MGAT5: variants seen among roughly 807,000 people sequenced by gnomAD.
MGAT5 encodes the protein alpha-1,6-mannosylglycoprotein 6-beta-N-acetylglucosaminyltransferase, also known as alpha-1,6-mannosylglycoprotein 6-beta-N-acetylglucosaminyltransferase A.
In MGAT5, 30 loss-of-function variants were observed where a neutral mutation model predicts 94.3. The ratio of observed to expected loss-of-function variants is 0.32; its 90% CI spans 0.24 to 0.43. The LOEUF (loss-of-function observed/expected upper bound fraction) is 0.43. MGAT5 is among the 20% of genes least tolerant of loss of function. MGAT5 has a pLI of 1.00. For synonymous variants in MGAT5, 310 were observed against 322.9 expected, an observed-to-expected ratio of 0.96 and a Z score of 0.43; for missense variants, 691 against 905.5, an observed-to-expected ratio of 0.76 and a Z score of 3.04.
intron 1 of MGAT5, among the ~76,000 whole-genome samples, chr2:134,159,706 G>A (rs1051040698): frequency 6.6e-6 from 1 of 152,108 alleles, no homozygotes; most frequent in African/African-American, 2.4e-5. Context: ...GTTGAGCATG[G>A]TGGCACAGCC....
At chr2:134,189,609 T>TTTTTTTTTTTTTTTTTTTG (rs1558978202) in intron 1 of MGAT5, among the ~76,000 whole-genome samples, 2 of 134,128 alleles carry the variant, frequency 1.5e-5, no homozygotes, top group Admixed American at 7.3e-5. Context: ...TTTGTTTTTT[T>TTTTTTTTTTTTTTTTTTTG]TTTTTTTTTT....
At chr2:134,176,584 A>G (rs1688477132) in intron 1 of MGAT5, among the ~76,000 whole-genome samples, 1 of 151,450 alleles carries the variant, frequency 6.6e-6, no homozygotes, top group Admixed American at 6.6e-5. Context: ...AAAAAAAAAA[A>G]AAAAAAAAAA....
intron 14 of MGAT5, among the ~76,000 whole-genome samples, chr2:134,439,652 G>A (rs770653158): frequency 2.6e-5 from 4 of 152,032 alleles, no homozygotes; most frequent in African/African-American, 7.2e-5. Flanking sequence ...AACCGAGATC[G>A]CACCACTGTA....
chr2:134,262,154 G>T (rs1683378635), intron 1 of MGAT5, among the ~76,000 whole-genome samples: 2 of 152,174 alleles, frequency 1.3e-5, no homozygotes, highest in South Asian at 4.1e-4. Flanking sequence ...TTGTTGTAAG[G>T]ATTACAAATG....
In MGAT5 at chr2:134,338,852, G is replaced by A. The variant is rs114100652; in HGVS notation, c.807+432G>A. Among the ~76,000 whole-genome samples the A allele has an allele frequency of 7.6e-3, 1,145 of 151,422 alleles. 7 individuals carry two copies. The highest frequency in any genetic ancestry group is 0.012 in the Non-Finnish European group (839 of 67,976). ...CTGGTTGGTGCTTCTGCTTATGCCC[G>A]TAGGGGAGAGAGAGAGAGAAATTTG... On this transcript the variant is annotated intron_variant, in intron 6 of 15. Transcript: ENST00000281923.
intron 1 of MGAT5, among the ~76,000 whole-genome samples, chr2:134,224,255 A>G (rs1315910612): frequency 6.6e-6 from 1 of 152,192 alleles, no homozygotes; most frequent in African/African-American, 2.4e-5. Flanking sequence ...ATCTGTGGGA[A>G]GTTTCCAGAG....
At chr2:134,250,744 A>G (rs914491888), upstream of MGAT5, among the ~76,000 whole-genome samples, 3 of 152,110 alleles carry the variant, frequency 2.0e-5, no homozygotes, top group Non-Finnish European at 4.4e-5. Context: ...GGCCCTCACT[A>G]ATCAGAACTG....
intron 1 of MGAT5, among the ~76,000 whole-genome samples, chr2:134,225,155 T>A (rs1243682697): frequency 6.6e-6 from 1 of 151,678 alleles, no homozygotes; most frequent in Non-Finnish European, 1.5e-5. Flanking sequence ...CATCAGGCTC[T>A]GTCCTCTGTG....
chr2:134,448,339 A>T (rs1034914125), intron 15 of MGAT5, among the ~76,000 whole-genome samples: 1 of 152,050 alleles, frequency 6.6e-6, no homozygotes, highest in Non-Finnish European at 1.5e-5. Flanking sequence ...GCCATGATTT[A>T]TTTGGCCATT....
intron 10 of MGAT5, among the ~76,000 whole-genome samples, chr2:134,401,913 GA>G (rs1558859912): frequency 6.6e-6 from 1 of 152,174 alleles, no homozygotes; most frequent in African/African-American, 2.4e-5. Context: ...GTGAATGGCA[GA>G]GACCAGATCA....
chr2:134,143,325 T>C (rs13405971), intron 1 of MGAT5, among the ~76,000 whole-genome samples: 8,685 of 152,258 alleles, frequency 0.057, 830 homozygotes, highest in African/African-American at 0.2. Flanking sequence ...TGTTAAAGAC[T>C]GATTCTGTGT....
intron 14 of MGAT5, among the ~76,000 whole-genome samples, chr2:134,438,803 C>T (rs1685314850): frequency 6.6e-6 from 1 of 152,306 alleles, no homozygotes; most frequent in Non-Finnish European, 1.5e-5. Context: ...TGCTTACCCA[C>T]TCACCCACTG....
chr2:134,218,099 G>C (rs1412998942), intron 1 of MGAT5, among the ~76,000 whole-genome samples: 1 of 152,208 alleles, frequency 6.6e-6, no homozygotes, highest in African/African-American at 2.4e-5. Context: ...GCTTAAGTGA[G>C]TCACAGTGGT....
chr2:134,338,305 A>G lies in MGAT5; in HGVS notation c.692A>G (p.Lys231Arg), dbSNP rs1238502453. The G allele has an allele frequency of 6.2e-7, 1 of 1,613,148 alleles. No homozygotes were observed. The highest frequency in any genetic ancestry group is 8.5e-7 in the Non-Finnish European group (1 of 1,179,472). The change falls in exon 6 of 16, where the codon AAG becomes AGG. Residue 231 changes from lysine (K) to arginine (R), a missense_variant. Physicochemically the swap from Lys to Arg is conservative, Grantham distance 26. This residue lies in a region of MGAT5 where 307 missense variants were observed against 335.4 expected (regional missense o/e 0.92). Transcript: ENST00000281923. ...DFNILYSMMKKHEEFRWMRLR... is the reference protein window; with the variant it reads ...DFNILYSMMKRHEEFRWMRLR... ...AATATTCTCTACAGTATGATGAAAA[A>G]GCATGAAGAATTCCGGTGGATGAGA...
intron 1 of MGAT5, among the ~76,000 whole-genome samples, chr2:134,244,941 A>C (rs1445010544): frequency 6.6e-6 from 1 of 152,200 alleles, no homozygotes; most frequent in African/African-American, 2.4e-5. Flanking sequence ...AAAGATTGAG[A>C]AACATTGGAT....
chr2:134,179,405 A>G (rs760589476), intron 1 of MGAT5, among the ~76,000 whole-genome samples: 7 of 152,196 alleles, frequency 4.6e-5, no homozygotes, highest in Non-Finnish European at 8.8e-5. Flanking sequence ...CACACACATC[A>G]ACTATGCATT....
At chr2:134,124,201 T>C (rs1266156019) in intron 1 of MGAT5, among the ~76,000 whole-genome samples, 6 of 152,236 alleles carry the variant, frequency 3.9e-5, no homozygotes, top group Admixed American at 6.5e-5. Flanking sequence ...CTAATAGCTC[T>C]TGGAAAGCTG....
intron 9 of MGAT5, among the ~76,000 whole-genome samples, chr2:134,352,362 A>G (rs1374625599): frequency 6.6e-6 from 1 of 152,174 alleles, no homozygotes; most frequent in Non-Finnish European, 1.5e-5. Flanking sequence ...GAAGTACTAC[A>G]TAGCTATAAA....
chr2:134,334,600 A>C (rs1302212313), intron 4 of MGAT5, among the ~76,000 whole-genome samples: 1 of 137,744 alleles, frequency 7.3e-6, no homozygotes, highest in Non-Finnish European at 1.5e-5. Flanking sequence ...CATGTTATAA[A>C]TATGCTTTAT....
Sources: allele counts gnomAD v4.1 joint callset (sites outside exome capture counted in the v4.1 genomes callset), GRCh38; gene constraint gnomAD v4.1.1; regional missense constraint gnomAD v4.1.1; transcripts MANE v1.5; gene names NCBI Gene and HGNC (gene_info 2026-07-23, HGNC 2026-07-21).